Variants in ALX4 observed in about 807,000 individuals in gnomAD.
The protein encoded by ALX4 is homeobox protein aristaless-like 4.
Under a neutral mutation model 40.6 loss-of-function variants are expected in ALX4, and 22 were observed. That is an observed-to-expected ratio of 0.54 (90% CI 0.39 to 0.77). The LOEUF (loss-of-function observed/expected upper bound fraction) is 0.77, where lower values mean the gene tolerates loss of function less well. ALX4 is among the 30% of genes least tolerant of loss of function. The pLI is 0.00. For synonymous variants in ALX4, 266 were observed against 240.5 expected (o/e 1.11, Z -0.98); for missense variants, 556 against 564.8 (o/e 0.98, Z 0.16).
intron 1 of ALX4, among the ~76,000 whole-genome samples, chr11:44,289,941 C>T (rs1956359995): frequency 6.6e-6 from 1 of 152,224 alleles, no homozygotes; most frequent in African/African-American, 2.4e-5. Flanking sequence ...TCTCCCCTAT[C>T]CCAGCAATAC....
chr11:44,269,548 G>A (rs558488139), intron 2 of ALX4, among the ~76,000 whole-genome samples: 7 of 152,310 alleles, frequency 4.6e-5, no homozygotes, highest in South Asian at 4.1e-4. Flanking sequence ...GTGGCTACAC[G>A]CACGTGCATG....
intron 1 of ALX4, among the ~76,000 whole-genome samples, chr11:44,309,361 A>C (rs1443827717): frequency 6.6e-6 from 1 of 152,228 alleles, no homozygotes; most frequent in East Asian, 1.9e-4. Context: ...ACCGGGAAAA[A>C]CAAACTCCAA....
chr11:44,273,198 A>G (rs1956259268), intron 2 of ALX4, among the ~76,000 whole-genome samples: 1 of 152,004 alleles, frequency 6.6e-6, no homozygotes, highest in Admixed American at 6.6e-5. Flanking sequence ...ATTAAAAAAA[A>G]AAAAAAAAAA....
chr11:44,305,887 G>A (rs1372228861), intron 1 of ALX4, among the ~76,000 whole-genome samples: 2 of 152,250 alleles, frequency 1.3e-5, no homozygotes, highest in Non-Finnish European at 2.9e-5. Context: ...TCCCGCAGCG[G>A]CCCCGCGTCT....
At chr11:44,281,824 T>G (rs1166924091) in intron 1 of ALX4, among the ~76,000 whole-genome samples, 1 of 152,172 alleles carries the variant, frequency 6.6e-6, no homozygotes, top group Admixed American at 6.5e-5. Context: ...TAGTAGTGAC[T>G]GGGCTTAGAT....
intron 1 of ALX4, among the ~76,000 whole-genome samples, chr11:44,281,220 T>C (rs1956308211): frequency 6.6e-6 from 1 of 152,162 alleles, no homozygotes; most frequent in Non-Finnish European, 1.5e-5. Context: ...CCCGAGGGCC[T>C]GTGGCACAAG....
chr11:44,283,752 C>T (rs935841255), intron 1 of ALX4, among the ~76,000 whole-genome samples: 4 of 152,226 alleles, frequency 2.6e-5, no homozygotes, highest in East Asian at 1.9e-4. Flanking sequence ...TTAGTAGAGA[C>T]GGGGTTTCCT....
At chr11:44,309,154 T>TCCCGCAGCCCCGCAGCCCCGCTGC (rs1554948161) in intron 1 of ALX4, among the ~76,000 whole-genome samples, 3 of 109,584 alleles carry the variant, frequency 2.7e-5, no homozygotes, top group Non-Finnish European at 6.1e-5. Context: ...AGTCCTGCTG[T>TCCCGCAGCCCCGCAGCCCCGCTGC]CCCGCAGCCC....
At chr11:44,296,537 A>C (rs1396365327) in intron 1 of ALX4, among the ~76,000 whole-genome samples, 1 of 152,266 alleles carries the variant, frequency 6.6e-6, no homozygotes, top group African/African-American at 2.4e-5. Context: ...TAGAATGAGA[A>C]GAAATATTCG....
At chr11:44,284,293 G>T (rs1032293644) in intron 1 of ALX4, among the ~76,000 whole-genome samples, 1 of 152,134 alleles carries the variant, frequency 6.6e-6, no homozygotes, top group Admixed American at 6.5e-5. Context: ...TCTGAAAGCA[G>T]TGATTAGAAT....
chr11:44,265,316 T>C (rs1956207213), intron 3 of ALX4, 133 bp from the exon 4 acceptor site: 1 of 888,312 alleles, frequency 1.1e-6, no homozygotes, highest in African/African-American at 1.7e-5. Flanking sequence ...TGTTTAGCCT[T>C]GATGGACATC....
chr11:44,303,961 C>T (rs1956450901), intron 1 of ALX4, among the ~76,000 whole-genome samples: 2 of 152,176 alleles, frequency 1.3e-5, no homozygotes, highest in Admixed American at 1.3e-4. Flanking sequence ...TGCCGGGCTG[C>T]ACCTCTGGAG....
At chr11:44,265,744 T>G (rs1248830539) in intron 3 of ALX4, among the ~76,000 whole-genome samples, 1 of 152,040 alleles carries the variant, frequency 6.6e-6, no homozygotes, top group African/African-American at 2.4e-5. Flanking sequence ...GGGCCTGAAC[T>G]AGGAGGCTTC....
chr11:44,306,356 G>A (rs1419915295), intron 1 of ALX4, among the ~76,000 whole-genome samples: 1 of 152,248 alleles, frequency 6.6e-6, no homozygotes, highest in East Asian at 1.9e-4. Flanking sequence ...GAGACTGGAG[G>A]CGGCTTCCCC....
chr11:44,273,751 G>A (rs1052512678), intron 2 of ALX4, among the ~76,000 whole-genome samples: 5 of 152,140 alleles, frequency 3.3e-5, no homozygotes, highest in Non-Finnish European at 5.9e-5. Flanking sequence ...AGGAGTTTGA[G>A]ACCAACATGG....
In ALX4 at chr11:44,263,556, G is replaced by A. The variant is rs1272635942; in HGVS notation, c.*1298C>T. The A allele has an allele frequency of 1.3e-5, 2 of 152,410 alleles. No homozygotes were observed. The highest frequency in any genetic ancestry group is 2.1e-4 in the South Asian group (1 of 4,826). The allele number at this position is 152,410 out of a possible 1,614,324, so 9.4% of individuals were successfully genotyped here. ...GAGTCCTGGTCCCTGTGGAAGAAGT[G>A]TAAGGACGGAGTGTGGAAAGCTGTG... On this transcript the variant is annotated 3_prime_UTR_variant, in exon 4 of 4. Transcript: ENST00000652299.
rs1211281368 is a variant in ALX4, at chr11:44,293,170, A to AGGAAGGAAGGAAGGAAGGAG, written c.466+16426_466+16427insCTCCTTCCTTCCTTCCTTCC. 1.9e-4 allele frequency among the ~76,000 whole-genome samples: 4 copies of AGGAAGGAAGGAAGGAAGGAG among 20,602 alleles called. 2 individuals are homozygous for AGGAAGGAAGGAAGGAAGGAG. Among genetic ancestry groups the AGGAAGGAAGGAAGGAAGGAG allele is most frequent in the South Asian group, 2.7e-3 (2 of 744 alleles). 13.5% of individuals were successfully genotyped at this position (20,602 alleles called of 152,430 possible). On this transcript the variant is annotated intron_variant, in intron 1 of 3. Coordinates refer to ENST00000652299, the MANE Select transcript of ALX4 (RefSeq NM_021926.4). ...AAGGAAGGAAGGAAGGAAGGAAGGA[A>AGGAAGGAAGGAAGGAAGGAG]GCAGGCAGGCAGGGAGGGAGGGAGG...
intron 1 of ALX4, among the ~76,000 whole-genome samples, chr11:44,294,744 G>A (rs1269154679): frequency 5.3e-5 from 8 of 152,210 alleles, no homozygotes; most frequent in Non-Finnish European, 1.0e-4. Context: ...ATAGAGTCAA[G>A]GTTCCAGCAA....
chr11:44,309,199 C>CAGCCCCGCAGCCCCGT (rs1956489524), intron 1 of ALX4, among the ~76,000 whole-genome samples: 1 of 150,986 alleles, frequency 6.6e-6, no homozygotes, highest in Non-Finnish European at 1.5e-5. Context: ...CGCAGCCCCG[C>CAGCCCCGCAGCCCCGT]AGCCCCGCAG....
Sources: allele counts gnomAD v4.1 joint callset (sites outside exome capture counted in the v4.1 genomes callset), GRCh38; gene constraint gnomAD v4.1.1; transcripts MANE v1.5; gene names NCBI Gene and HGNC (gene_info 2026-07-23, HGNC 2026-07-21).